Variants in NUMB observed in about 807,000 individuals in gnomAD.
NUMB encodes protein numb homolog.
A neutral mutation model predicts 59.7 loss-of-function variants in NUMB; 29 were observed. That is an observed-to-expected ratio of 0.49 (90% CI 0.36 to 0.66). The LOEUF (loss-of-function observed/expected upper bound fraction) is 0.66. NUMB is among the 30% of genes least tolerant of loss of function. NUMB has a pLI of 0.00. For missense variants in NUMB, 723 were observed against 822.0 expected, an observed-to-expected ratio of 0.88 and a Z score of 1.47; for synonymous variants, 288 against 288.2, an observed-to-expected ratio of 1.00 and a Z score of 0.01.
At chr14:73,303,855 A>C (rs1420187267) in intron 6 of NUMB, among the ~76,000 whole-genome samples, 1 of 152,220 alleles carries the variant, frequency 6.6e-6, no homozygotes, top group African/African-American at 2.4e-5. Flanking sequence ...TAAATTGGTG[A>C]AATCTGAGCA....
rs142278861 is a variant in NUMB at position 73,384,175 on chromosome 14, G to A, written c.-100-17194C>T. Among the ~76,000 whole-genome samples the A allele has an allele frequency of 1.2e-4, 18 of 149,360 alleles. 1 individual carries two copies. The East Asian group carries it at 1.8e-3, about 15-fold the overall frequency. On this transcript the variant is annotated intron_variant, in intron 2 of 12. Transcript: ENST00000555238. ...AAATTTCTTTTTTTTTTTTTGAGAC[G>A]GAGTCTTCCTCCACACCATTCTCCT...
intron 6 of NUMB, among the ~76,000 whole-genome samples, chr14:73,306,617 T>C (rs887761219): frequency 2.0e-5 from 3 of 152,218 alleles, no homozygotes; most frequent in African/African-American, 7.2e-5. Flanking sequence ...TCTCTTTCTC[T>C]TCTAAGTTAG....
chr14:73,423,087 A>G (rs1897424574), intron 1 of NUMB, among the ~76,000 whole-genome samples: 2 of 152,196 alleles, frequency 1.3e-5, no homozygotes, highest in Admixed American at 1.3e-4. Flanking sequence ...GACAGAGACA[A>G]GATTTCAAGC....
intron 4 of NUMB, among the ~76,000 whole-genome samples, chr14:73,337,735 G>A (rs7159794): frequency 0.55 from 84,208 of 152,054 alleles, 23,932 homozygotes; most frequent in East Asian, 0.72. Context: ...TGTTAGTAGA[G>A]AAAACAAAGA....
intron 2 of NUMB, among the ~76,000 whole-genome samples, chr14:73,375,319 TTC>T (rs1474885408): frequency 1.3e-5 from 2 of 152,196 alleles, no homozygotes; most frequent in Non-Finnish European, 1.5e-5. Context: ...TGTTTATTAC[TTC>T]TTTTATATTT....
chr14:73,425,648 G>A (rs182703991), intron 1 of NUMB, among the ~76,000 whole-genome samples: 125 of 152,154 alleles, frequency 8.2e-4, no homozygotes, highest in African/African-American at 2.7e-3. Flanking sequence ...GGAATTATAG[G>A]ACTCACTTGA....
At chr14:73,457,105 T>C (rs893179015) in intron 1 of NUMB, among the ~76,000 whole-genome samples, 1 of 152,134 alleles carries the variant, frequency 6.6e-6, no homozygotes, top group African/African-American at 2.4e-5. Context: ...AGTATTCTGA[T>C]GAGGAAACTG....
At chr14:73,370,668 G>T (rs1396671788) in intron 2 of NUMB, among the ~76,000 whole-genome samples, 1 of 151,770 alleles carries the variant, frequency 6.6e-6, no homozygotes, top group Non-Finnish European at 1.5e-5. Flanking sequence ...CTCCGGCCTG[G>T]GTAACAAGAG....
At chr14:73,339,033 T>C (rs1052129915) in intron 4 of NUMB, among the ~76,000 whole-genome samples, 3 of 152,204 alleles carry the variant, frequency 2.0e-5, no homozygotes, top group Non-Finnish European at 2.9e-5. Context: ...ACATCATTTC[T>C]GTCTACATTT....
In NUMB at chr14:73,302,946, G is replaced by A. The variant is rs143012369; in HGVS notation, c.235-5661C>T. ...AATTTACATACAGGCCGGGCACAGT[G>A]GCTCAAGCCTATAATCCCAGCACTT... On this transcript the variant is annotated intron_variant, in intron 6 of 12. Coordinates refer to ENST00000555238, the MANE Select transcript of NUMB (RefSeq NM_001005743.2). Among the ~76,000 whole-genome samples, 3 of 152,272 alleles carry A rather than the reference G, an allele frequency of 2.0e-5. No individual in the cohort carries two copies. The East Asian group carries it at 5.8e-4, about 30-fold the overall frequency.
chr14:73,419,100 T>A (rs893668103), intron 1 of NUMB, among the ~76,000 whole-genome samples: 20 of 152,170 alleles, frequency 1.3e-4, no homozygotes, highest in Admixed American at 6.5e-5. Flanking sequence ...GTTAAGTATG[T>A]TCATAATGTC....
chr14:73,352,822 A>G (rs1366365710), intron 4 of NUMB, among the ~76,000 whole-genome samples: 4 of 149,302 alleles, frequency 2.7e-5, no homozygotes, highest in Admixed American at 6.7e-5. Context: ...GATTACAGGC[A>G]TGAGCCACCG....
intron 6 of NUMB, among the ~76,000 whole-genome samples, chr14:73,313,928 C>G (rs1890932133): frequency 6.6e-6 from 1 of 151,968 alleles, no homozygotes. Flanking sequence ...CTGCCTCAGC[C>G]TCCTGAGTAG....
At chr14:73,416,395 G>A (rs1194499558) in intron 1 of NUMB, among the ~76,000 whole-genome samples, 6 of 150,424 alleles carry the variant, frequency 4.0e-5, no homozygotes, top group African/African-American at 7.3e-5. Flanking sequence ...TTGTGGGGGC[G>A]CACTCCTATT....
intron 2 of NUMB, among the ~76,000 whole-genome samples, chr14:73,373,024 A>G (rs1442743049): frequency 6.6e-6 from 1 of 152,150 alleles, no homozygotes; most frequent in East Asian, 1.9e-4. Flanking sequence ...TTAGCATGAC[A>G]TTCTCAACTG....
intron 11 of NUMB, among the ~76,000 whole-genome samples, chr14:73,280,142 G>A (rs1041480386): frequency 1.3e-5 from 2 of 151,118 alleles, no homozygotes; most frequent in African/African-American, 2.4e-5. Context: ...GGGCAACAGA[G>A]TAAGACTCCA....
chr14:73,276,434 T>C lies in NUMB; in HGVS notation c.*144A>G. On this transcript the variant is annotated 3_prime_UTR_variant, in exon 13 of 13. Coordinates refer to ENST00000555238, the MANE Select transcript of NUMB (RefSeq NM_001005743.2). ...TGTCTTTCAAAATCACCCCTCACAG[T>C]ACTCTGGGCCTGGACTTGTTCCTTG... The C allele has an allele frequency of 1.6e-6, 1 of 636,778 alleles. No individual in the cohort carries two copies. Among genetic ancestry groups the C allele is most frequent in the Non-Finnish European group, 2.7e-6 (1 of 372,042 alleles). 39.4% of individuals were successfully genotyped at this position (636,778 alleles called of 1,614,324 possible).
At chr14:73,422,927 T>G (rs536129965) in intron 1 of NUMB, among the ~76,000 whole-genome samples, 4 of 138,132 alleles carry the variant, frequency 2.9e-5, no homozygotes, top group Non-Finnish European at 3.1e-5. Context: ...AAAAAAAAAC[T>G]GTTATATTCC....
chr14:73,382,374 T>C lies in NUMB; in HGVS notation c.-100-15393A>G, dbSNP rs1480005040. On this transcript the variant is annotated intron_variant, in intron 2 of 12. Transcript: ENST00000555238. ...GTTGGCCAGGCTGGTCTTGAACTCC[T>C]GACCTCAGGTGATCCACCTGCCTCA... Among the ~76,000 whole-genome samples, 5 of 151,874 alleles carry C rather than the reference T, an allele frequency of 3.3e-5. No individual in the cohort carries two copies. In the East Asian group the frequency reaches 9.7e-4, roughly 29 times the overall value.
Sources: allele counts gnomAD v4.1 joint callset (sites outside exome capture counted in the v4.1 genomes callset), GRCh38; gene constraint gnomAD v4.1.1; transcripts MANE v1.5; gene names NCBI Gene and HGNC (gene_info 2026-07-23, HGNC 2026-07-21).